DNTTIP2: variants seen among roughly 807,000 people sequenced by gnomAD.
DNTTIP2 encodes the protein deoxynucleotidyltransferase terminal-interacting protein 2.
In DNTTIP2, 47 loss-of-function variants were observed where a neutral mutation model predicts 62.4. The observed-to-expected ratio is 0.75, with a 90% confidence interval of 0.60 to 0.96. The LOEUF is 0.96. DNTTIP2 is among the 40% of genes least tolerant of loss of function. The pLI, the probability that DNTTIP2 is intolerant of heterozygous loss-of-function variation, is 0.00. For synonymous variants in DNTTIP2, 322 were observed against 300.9 expected, an observed-to-expected ratio of 1.07 and a Z score of -0.73; for missense variants, 870 against 849.1, an observed-to-expected ratio of 1.02 and a Z score of -0.31.
intron 3 of DNTTIP2, among the ~76,000 whole-genome samples, chr1:93,875,220 A>G (rs1331622569): frequency 1.3e-5 from 2 of 152,224 alleles, no homozygotes; most frequent in Non-Finnish European, 2.9e-5. Flanking sequence ...GGTTTGGGTA[A>G]AGTTACCTTA....
chr1:93,870,874 A>C (rs1341732925), intron 5 of DNTTIP2, 82 bp from the exon 6 acceptor site: 12 of 643,756 alleles, frequency 1.9e-5, no homozygotes, highest in Non-Finnish European at 2.2e-5. Flanking sequence ...TTATATTTAG[A>C]GAAAGGAATG....
intron 3 of DNTTIP2, 44 bp from the exon 4 acceptor site, chr1:93,873,258 A>G (rs1439599302): frequency 6.8e-7 from 1 of 1,460,722 alleles, no homozygotes. Context: ...TCAGAATGTT[A>G]TATAAGTTTT....
At chr1:93,873,094 A>G (rs745828885) in intron 4 of DNTTIP2, 25 bp downstream of exon 4, 22 of 1,504,070 alleles carry the variant, frequency 1.5e-5, no homozygotes, top group Admixed American at 1.2e-4. Context: ...ATATCTAAGC[A>G]TTTTAATTAA....
At chr1:93,869,995 T>C (rs1655816370) in intron 6 of DNTTIP2, 51 bp from the exon 7 acceptor site, 3 of 749,522 alleles carry the variant, frequency 4.0e-6, no homozygotes. Flanking sequence ...ACATTAGAAG[T>C]TAATATAACC....
chr1:93,869,617 GA>G lies in DNTTIP2; in HGVS notation c.*233del, dbSNP rs1477871760. On this transcript the variant is annotated 3_prime_UTR_variant, in exon 7 of 7. Coordinates refer to ENST00000436063, the MANE Select transcript of DNTTIP2 (RefSeq NM_014597.5). The stretch of plus-strand genomic sequence containing the variant: ...CCATCAGTTATCTTAAAATGGTTGA[GA>G]TTTTTTTTCCTTTTTTCCCATAAAG... 4 of 380,492 alleles carry G rather than the reference GA, an allele frequency of 1.1e-5. No individual in the cohort carries two copies. The Admixed American group carries it at 1.3e-4, about 12-fold the overall frequency. 23.6% of individuals were successfully genotyped at this position (380,492 alleles called of 1,614,324 possible).
rs1038256531 is a variant in DNTTIP2 at position 93,876,251 on chromosome 1, A to G, written c.1667+17T>C. Reference sequence around the variant, plus strand: ...ATACATGTATCAAAAACTTATAAAAATAAAGGAAAAACTTACAGTTTAGCC... The same window carrying G: ...ATACATGTATCAAAAACTTATAAAAGTAAAGGAAAAACTTACAGTTTAGCC... On this transcript the variant is annotated intron_variant, in intron 2 of 6. Transcript: ENST00000436063. The G allele has an allele frequency of 1.6e-5, 24 of 1,482,836 alleles. No individual in the cohort carries two copies. The highest frequency in any genetic ancestry group is 2.0e-5 in the Non-Finnish European group (22 of 1,119,392). 91.9% of individuals were successfully genotyped at this position (1,482,836 alleles called of 1,614,324 possible). A position where few individuals can be genotyped will look rare whatever the true frequency, so the allele number is the denominator to read the frequency against.
chr1:93,878,405 G>A (rs4141736), intron 1 of DNTTIP2: 45,600 of 154,322 alleles, frequency 0.3, 7,688 homozygotes, highest in East Asian at 0.57. Flanking sequence ...GAAGCAGAAC[G>A]ATTAAAATTT....
intron 3 of DNTTIP2, among the ~76,000 whole-genome samples, chr1:93,874,740 T>C (rs1655954669): frequency 6.6e-6 from 1 of 152,180 alleles, no homozygotes. Context: ...ACAATTCTCC[T>C]GCCTCAGCCT....
chr1:93,872,093 A>G lies in DNTTIP2; in HGVS notation c.2046T>C (p.Asp682=), dbSNP rs1271913213. 6.2e-7 allele frequency: 1 copy of G among 1,613,838 alleles called. No homozygotes were observed. The highest frequency in any genetic ancestry group is 2.2e-5 in the East Asian group (1 of 44,868). ...PKRFYKKNDR[D]GFPKYFQIGT... ...ATACCTGGAAGTACTTGGGGAAGCC[A>G]TCTCTATCATTTTTCTTGTAAAATC... The change falls in exon 5 of 7, where the codon GAT becomes GAC. Residue 682 remains aspartate (D), a synonymous_variant. Coordinates refer to ENST00000436063, the MANE Select transcript of DNTTIP2 (RefSeq NM_014597.5).
chr1:93,877,775 T>C lies in DNTTIP2; in HGVS notation c.160A>G (p.Lys54Glu). The change falls in exon 2 of 7, where the codon AAG becomes GAG. Residue 54 changes from lysine (K) to glutamate (E), a missense_variant. Physicochemically the swap from Lys to Glu is moderately conservative, Grantham distance 56. Coordinates refer to ENST00000436063, the MANE Select transcript of DNTTIP2 (RefSeq NM_014597.5). The stretch of plus-strand genomic sequence containing the variant: ...GGAGTTCTAGGGATTAAACTTTGCT[T>C]CCCAGTGGTCTGTGATTCAGCAGTA... ...RTTAESQTTGKQSLIPRTPKA... is the reference protein window; with the variant it reads ...RTTAESQTTGEQSLIPRTPKA... The C allele has an allele frequency of 1.2e-6, 2 of 1,611,926 alleles. No individual in the cohort carries two copies. The highest frequency in any genetic ancestry group is 1.7e-6 in the Non-Finnish European group (2 of 1,179,860).
At chr1:93,878,683 G>C (rs1656077382) in intron 1 of DNTTIP2, 1 of 168,376 alleles carries the variant, frequency 5.9e-6, no homozygotes, top group African/African-American at 2.4e-5. Flanking sequence ...AGGTGATGCT[G>C]GACAGCTGCC....
chr1:93,876,696 G>A lies in DNTTIP2; in HGVS notation c.1239C>T (p.Asn413=). Residue 413 remains asparagine (N), a synonymous_variant, in exon 2 of 7, where the codon AAC becomes AAT. Coordinates refer to ENST00000436063, the MANE Select transcript of DNTTIP2 (RefSeq NM_014597.5). ...ATTCAAAATCTACATTCCCTTCACT[G>A]TTCATGTCTTCACTGACACTTATAA... ...STVISVSEDM[N]SEGNVDFECD... 3 of 1,613,978 alleles carry A rather than the reference G, an allele frequency of 1.9e-6. No homozygotes were observed. The highest frequency in any genetic ancestry group is 2.5e-6 in the Non-Finnish European group (3 of 1,179,880).
At chr1:93,871,381 C>T (rs967114341) in intron 5 of DNTTIP2, among the ~76,000 whole-genome samples, 2 of 152,164 alleles carry the variant, frequency 1.3e-5, no homozygotes, top group Non-Finnish European at 2.9e-5. Flanking sequence ...ACTATAGACG[C>T]TCTGAAGACA....
rs961348695 is a variant in DNTTIP2 at position 93,877,335 on chromosome 1, A to G, written c.600T>C (p.Thr200=). 1.2e-5 allele frequency: 20 copies of G among 1,613,502 alleles called. No homozygotes were observed. Among genetic ancestry groups the G allele is most frequent in the Non-Finnish European group, 1.6e-5 (19 of 1,179,864 alleles). The change falls in exon 2 of 7, where the codon ACT becomes ACC. Residue 200 remains threonine (T), a synonymous_variant. Transcript: ENST00000436063. ...SSDISFSGIA[T]RRTRSMQRKL... The stretch of plus-strand genomic sequence containing the variant: ...TCCTCTGCATACTCCTGGTTCTTCT[A>G]GTTGCAATTCCAGAGAATGAAATGT...
chr1:93,874,440 G>T (rs1655946926), intron 3 of DNTTIP2, among the ~76,000 whole-genome samples: 1 of 152,148 alleles, frequency 6.6e-6, no homozygotes, highest in Admixed American at 6.5e-5. Flanking sequence ...ATCTATGCTA[G>T]ATGTTATGGA....
chr1:93,870,566 G>T, intron 6 of DNTTIP2, 117 bp downstream of exon 6: 1 of 486,018 alleles, frequency 2.1e-6, no homozygotes, highest in Non-Finnish European at 3.5e-6. Context: ...ATATATTCAT[G>T]TTAATATGTT....
At chr1:93,872,872 C>CTATA (rs34797896) in intron 4 of DNTTIP2, among the ~76,000 whole-genome samples, 1 of 127,954 alleles carries the variant, frequency 7.8e-6, no homozygotes, top group African/African-American at 4.3e-5. Flanking sequence ...TAGAAGTAAT[C>CTATA]TATATATATA....
chr1:93,871,970 A>G, intron 5 of DNTTIP2, 102 bp downstream of exon 5: 1 of 1,321,334 alleles, frequency 7.6e-7, no homozygotes, highest in Non-Finnish European at 1.1e-6. Context: ...AGGCATGCAC[A>G]ATGGAAATAT....
chr1:93,873,819 T>C (rs981633538), intron 3 of DNTTIP2, among the ~76,000 whole-genome samples: 1 of 152,176 alleles, frequency 6.6e-6, no homozygotes, highest in Non-Finnish European at 1.5e-5. Context: ...TTTTCCTAAA[T>C]GATTTCTGTA....
Sources: allele counts gnomAD v4.1 joint callset (sites outside exome capture counted in the v4.1 genomes callset), GRCh38; gene constraint gnomAD v4.1.1; transcripts MANE v1.5; gene names NCBI Gene and HGNC (gene_info 2026-07-23, HGNC 2026-07-21).